The following ARFGEF3 variants were observed in gnomAD, a reference collection of about 807,000 sequenced individuals.
ARFGEF3 encodes the protein brefeldin A-inhibited guanine nucleotide-exchange protein 3.
A neutral mutation model predicts 221.7 loss-of-function variants in ARFGEF3; 96 were observed. The ratio of observed to expected loss-of-function variants is 0.43; its 90% CI spans 0.37 to 0.51. The LOEUF is 0.51. ARFGEF3 is among the 20% of genes least tolerant of loss of function. The probability of loss-of-function intolerance (pLI) is 0.00; values close to 1 mark genes in which losing one functional copy is unlikely to be tolerated. For missense variants in ARFGEF3, 2,410 were observed against 2,789.9 expected (o/e 0.86, Z 3.07); for synonymous variants, 1,145 against 1,126.8 (o/e 1.02, Z -0.32).
At chr6:138,336,044 A>G (rs1780315523) in intron 33 of ARFGEF3, among the ~76,000 whole-genome samples, 1 of 152,180 alleles carries the variant, frequency 6.6e-6, no homozygotes. Context: ...AGGAATAAGT[A>G]AGAGTTTAGT....
At chr6:138,190,129 A>T (rs537092073) in intron 2 of ARFGEF3, among the ~76,000 whole-genome samples, 1 of 140,088 alleles carries the variant, frequency 7.1e-6, no homozygotes, top group African/African-American at 2.6e-5. Context: ...GCATGCCATC[A>T]TGATACTAGA....
chr6:138,273,724 T>C (rs1779044759), intron 12 of ARFGEF3, among the ~76,000 whole-genome samples: 1 of 152,300 alleles, frequency 6.6e-6, no homozygotes, highest in South Asian at 2.1e-4. Context: ...CTTTCCTTAC[T>C]GGTAAACAAT....
intron 6 of ARFGEF3, among the ~76,000 whole-genome samples, chr6:138,239,751 A>C (rs536610269): frequency 6.6e-6 from 1 of 151,996 alleles, no homozygotes; most frequent in Non-Finnish European, 1.5e-5. Context: ...AACCTCAACT[A>C]TTTGTAATTA....
At position 138,328,015 on chromosome 6, in the gene ARFGEF3, A is replaced by C; in HGVS notation, c.5002-6A>C. On this transcript the variant is annotated splice_region_variant and splice_polypyrimidine_tract_variant and intron_variant, in intron 31 of 33. Coordinates refer to ENST00000251691, the MANE Select transcript of ARFGEF3 (RefSeq NM_020340.5). Reference sequence around the variant, plus strand: ...TTCTGAAATGTACCTTTGCACCCCCATACAGGTGTTTATGCTGGACACCCA... The same window carrying C: ...TTCTGAAATGTACCTTTGCACCCCCCTACAGGTGTTTATGCTGGACACCCA... The C allele has an allele frequency of 1.3e-6, 2 of 1,551,936 alleles. No homozygotes were observed. The highest frequency in any genetic ancestry group is 1.2e-5 in the South Asian group (1 of 83,994).
intron 33 of ARFGEF3, 58 bp downstream of exon 33, chr6:138,335,246 G>C (rs73774702): frequency 1.4e-6 from 2 of 1,457,030 alleles, no homozygotes; most frequent in Non-Finnish European, 9.0e-7. Context: ...TACTGGATGG[G>C]CCCCCCCTTG....
In ARFGEF3 at chr6:138,307,459, A is replaced by G. The variant is rs970040161; in HGVS notation, c.3973+62A>G. On this transcript the variant is annotated intron_variant, in intron 23 of 33. Transcript: ENST00000251691. ...AATTCTCTGTGCCAAGTTTCATGCTATTAAAAAAAAAAAATTGAACAATAG... is the reference window on the plus strand; with the variant it reads ...AATTCTCTGTGCCAAGTTTCATGCTGTTAAAAAAAAAAAATTGAACAATAG... 4.2e-6 allele frequency: 6 copies of G among 1,445,564 alleles called. No homozygotes were observed. In the African/African-American group the frequency reaches 7.4e-5, roughly 18 times the overall value. The allele number at this position is 1,445,564 out of a possible 1,614,324, so 89.5% of individuals were successfully genotyped here. A position where few individuals can be genotyped will look rare whatever the true frequency, so the allele number is the denominator to read the frequency against.
chr6:138,262,534 G>A (rs1384856422), intron 11 of ARFGEF3, among the ~76,000 whole-genome samples, 167 bp from the exon 12 acceptor site: 1 of 152,054 alleles, frequency 6.6e-6, no homozygotes, highest in East Asian at 1.9e-4. Flanking sequence ...TGCCCACCTA[G>A]GCATGTTTGT....
At chr6:138,269,870 C>T (rs183736855) in intron 12 of ARFGEF3, among the ~76,000 whole-genome samples, 1 of 152,084 alleles carries the variant, frequency 6.6e-6, no homozygotes, top group Admixed American at 6.6e-5. Context: ...TTCCTTTCCT[C>T]TAAATTGAGT....
intron 5 of ARFGEF3, among the ~76,000 whole-genome samples, chr6:138,231,835 T>C (rs1259122987): frequency 6.6e-6 from 1 of 152,180 alleles, no homozygotes; most frequent in Non-Finnish European, 1.5e-5. Context: ...GTTCTGAAAC[T>C]ATAAAAGGAT....
intron 10 of ARFGEF3, among the ~76,000 whole-genome samples, chr6:138,260,007 G>T (rs371770190): frequency 5.6e-4 from 86 of 152,296 alleles, no homozygotes; most frequent in Non-Finnish European, 9.7e-4. Flanking sequence ...CCAGGAGACA[G>T]TGAGGTTTTC....
chr6:138,258,314 C>T (rs1030754584), intron 10 of ARFGEF3, among the ~76,000 whole-genome samples: 3 of 152,206 alleles, frequency 2.0e-5, no homozygotes, highest in Non-Finnish European at 4.4e-5. Flanking sequence ...TTGCAACAGG[C>T]TAGATACCGC....
chr6:138,333,975 CTT>C lies in ARFGEF3; in HGVS notation c.5131_5132del (p.Phe1711GlnfsTer19). 6.2e-7 allele frequency: 1 copy of C among 1,604,364 alleles called. No homozygotes were observed. The highest frequency in any genetic ancestry group is 1.1e-5 in the South Asian group (1 of 90,624). On this transcript the variant is annotated frameshift_variant, in exon 33 of 34. Transcript: ENST00000251691. LOFTEE classifies it high-confidence loss of function. ...CCCTCTCTTTTCACTTGAAGCGTGT[CTT>C]TCAGGGAAATTGTGGTGAGCCTGCT...
Position 138,255,567 on chromosome 6 carries a change from A to T in ARFGEF3, c.902A>T (p.His301Leu). 6.2e-7 allele frequency: 1 copy of T among 1,613,968 alleles called. No homozygotes were observed. The highest frequency in any genetic ancestry group is 1.7e-5 in the Admixed American group (1 of 60,018). Residue 301 changes from histidine (H) to leucine (L), a missense_variant, in exon 10 of 34, where the codon CAC becomes CTC. By Grantham distance (99) the His-to-Leu change is moderately conservative. Around this residue, in one of 5 missense-constraint regions of ARFGEF3, gnomAD observed 570 missense variants for 586.9 expected, o/e 0.97. Transcript: ENST00000251691. Reference sequence around the variant, plus strand: ...TCTGCGTCTCCGGGAGTGTCTGACCACGGCCGAGGATCAGGCTGCTCCTGC... The same window carrying T: ...TCTGCGTCTCCGGGAGTGTCTGACCTCGGCCGAGGATCAGGCTGCTCCTGC... ...SDSASPGVSDHGRGSGCSCTA... is the reference protein window; with the variant it reads ...SDSASPGVSDLGRGSGCSCTA...
intron 3 of ARFGEF3, among the ~76,000 whole-genome samples, chr6:138,208,546 G>A (rs556431361): frequency 2.4e-4 from 37 of 152,272 alleles, no homozygotes; most frequent in Middle Eastern, 3.4e-3. Flanking sequence ...GCAACTCGAA[G>A]CCCCTTTGGA....
chr6:138,240,810 T>A (rs984038168), intron 6 of ARFGEF3, among the ~76,000 whole-genome samples: 6 of 152,172 alleles, frequency 3.9e-5, no homozygotes, highest in Non-Finnish European at 8.8e-5. Flanking sequence ...GTATTTTTTT[T>A]AAAGCTCTTA....
intron 2 of ARFGEF3, among the ~76,000 whole-genome samples, chr6:138,204,005 C>T (rs1777583823): frequency 6.6e-6 from 1 of 152,112 alleles, no homozygotes; most frequent in Non-Finnish European, 1.5e-5. Flanking sequence ...CTTCCCAGGA[C>T]AGTTAGCCCC....
chr6:138,285,672 A>AT (rs1779273382), intron 14 of ARFGEF3, among the ~76,000 whole-genome samples: 1 of 152,182 alleles, frequency 6.6e-6, no homozygotes, highest in East Asian at 1.9e-4. Context: ...AAATCAATAG[A>AT]TTTTCTAACA....
chr6:138,266,004 T>C (rs1038947496), intron 12 of ARFGEF3, among the ~76,000 whole-genome samples: 1 of 151,908 alleles, frequency 6.6e-6, no homozygotes, highest in African/African-American at 2.4e-5. Context: ...TTGCTTGAGC[T>C]CAGGAGTTTG....
At chr6:138,179,616 A>C (rs1197843532) in intron 2 of ARFGEF3, among the ~76,000 whole-genome samples, 1 of 152,100 alleles carries the variant, frequency 6.6e-6, no homozygotes, top group Non-Finnish European at 1.5e-5. Context: ...GTGGGGACCT[A>C]CTGATTTTTC....
Sources: allele counts gnomAD v4.1 joint callset (sites outside exome capture counted in the v4.1 genomes callset), GRCh38; gene constraint gnomAD v4.1.1; regional missense constraint gnomAD v4.1.1; transcripts MANE v1.5; gene names NCBI Gene and HGNC (gene_info 2026-07-23, HGNC 2026-07-21).